PPIL6: variants seen among roughly 807,000 people sequenced by gnomAD.
PPIL6 encodes the protein probable inactive peptidyl-prolyl cis-trans isomerase-like 6.
PPIL6 carries 39 observed loss-of-function variants against 36.8 expected under a neutral mutation model. That is an observed-to-expected ratio of 1.06 (90% CI 0.82 to 1.38). The LOEUF (loss-of-function observed/expected upper bound fraction) is 1.38, where lower values mean the gene tolerates loss of function less well. Among genes scored for constraint, PPIL6 ranks in the 40% most tolerant of loss-of-function variants. The pLI is 0.00. For synonymous variants in PPIL6, 123 were observed against 134.1 expected (o/e 0.92, Z 0.57); for missense variants, 368 against 379.1 (o/e 0.97, Z 0.24).
At chr6:109,393,218 G>A (rs1057511012) in intron 7 of PPIL6, among the ~76,000 whole-genome samples, 1 of 128,770 alleles carries the variant, frequency 7.8e-6, no homozygotes, top group East Asian at 2.2e-4. Context: ...TGCAGTCAGG[G>A]TGATTTTTTT....
At chr6:109,401,104 C>T (rs1375592099) in intron 6 of PPIL6, among the ~76,000 whole-genome samples, 3 of 149,340 alleles carry the variant, frequency 2.0e-5, no homozygotes, top group African/African-American at 5.0e-5. Context: ...TCTCAATCTC[C>T]TGACCTCATG....
rs1433171241 is a variant in PPIL6 at position 109,393,038 on chromosome 6, T to C, written c.825-101A>G. ...CCTACCCAGCTATAGCTAAGACTAT[T>C]TCCTACAAATTGAATGAACATCAGC... On this transcript the variant is annotated intron_variant, in intron 7 of 7. Coordinates refer to ENST00000521072, the MANE Select transcript of PPIL6 (RefSeq NM_173672.5). The C allele has an allele frequency of 7.5e-6, 5 of 670,968 alleles. No individual in the cohort carries two copies. In the East Asian group the frequency reaches 1.0e-4, roughly 14 times the overall value. 41.6% of individuals were successfully genotyped at this position (670,968 alleles called of 1,614,324 possible).
chr6:109,433,009 G>C (rs1387223355), intron 2 of PPIL6, among the ~76,000 whole-genome samples: 1 of 151,932 alleles, frequency 6.6e-6, no homozygotes, highest in Non-Finnish European at 1.5e-5. Context: ...ATACTTCCTG[G>C]AGTGTTTAAA....
At chr6:109,404,822 G>A (rs574502173) in intron 6 of PPIL6, 71 of 157,854 alleles carry the variant, frequency 4.5e-4, no homozygotes, top group African/African-American at 1.7e-3. Context: ...GGGAGGCCGA[G>A]GTGGGCAGAT....
At chr6:109,421,500 T>A (rs1773535998) in intron 5 of PPIL6, among the ~76,000 whole-genome samples, 1 of 152,232 alleles carries the variant, frequency 6.6e-6, no homozygotes, top group South Asian at 2.1e-4. Flanking sequence ...AGGCAGTGTT[T>A]GGCAGAGTGT....
chr6:109,431,293 T>C lies in PPIL6; in HGVS notation c.284A>G (p.Asn95Ser). The change falls in exon 3 of 8, where the codon AAT (asparagine) becomes AGT (serine). Residue 95 changes from asparagine (N) to serine (S), a missense_variant. Asn to Ser is a conservative substitution (Grantham distance 46). Coordinates refer to ENST00000521072, the MANE Select transcript of PPIL6 (RefSeq NM_173672.5). The stretch of plus-strand genomic sequence containing the variant: ...CAATGCATCACCCAGAAACTGACCA[T>C]TAACAAAAGAAATCACAGAGGAAGA... ...EYSSSVISFV[N>S]GQFLGDALDL... is the part of the protein sequence containing the mutation. 1.2e-6 allele frequency: 2 copies of C among 1,607,058 alleles called. No homozygotes were observed. Among genetic ancestry groups the C allele is most frequent in the Non-Finnish European group, 1.7e-6 (2 of 1,177,510 alleles).
At chr6:109,438,056 G>GT (rs908893205) in intron 1 of PPIL6, among the ~76,000 whole-genome samples, 1 of 151,908 alleles carries the variant, frequency 6.6e-6, no homozygotes, top group South Asian at 2.1e-4. Flanking sequence ...TTTACATTTT[G>GT]TTTTTTATTT....
At chr6:109,397,460 C>A (rs1489349842) in intron 7 of PPIL6, among the ~76,000 whole-genome samples, 1 of 152,206 alleles carries the variant, frequency 6.6e-6, no homozygotes. Context: ...GTCTCACTGT[C>A]ACATAGCTAT....
Position 109,391,034 on chromosome 6 carries a change from ATCTCAGCACTTT to A in PPIL6, c.*1780_*1791del, listed in dbSNP as rs1772077634. ...GGGTGCGGTGGCTCACGCCTTTGTAATCTCAGCACTTTGGGAGGCCGAGGCGGGCGGATCACG... is the reference window on the plus strand; with the variant it reads ...GGGTGCGGTGGCTCACGCCTTTGTAAGGGAGGCCGAGGCGGGCGGATCACG... On this transcript the variant is annotated 3_prime_UTR_variant, in exon 8 of 8. Coordinates refer to ENST00000521072, the MANE Select transcript of PPIL6 (RefSeq NM_173672.5). 1 of 152,180 alleles carries A rather than the reference ATCTCAGCACTTT, an allele frequency of 6.6e-6. No homozygotes were observed. Among genetic ancestry groups the A allele is most frequent in the African/African-American group, 2.4e-5 (1 of 41,416 alleles). 9.4% of individuals were successfully genotyped at this position (152,180 alleles called of 1,614,324 possible).
At chr6:109,421,206 A>G (rs1474442436) in intron 5 of PPIL6, among the ~76,000 whole-genome samples, 1 of 152,118 alleles carries the variant, frequency 6.6e-6, no homozygotes, top group Non-Finnish European at 1.5e-5. Flanking sequence ...AATATTTTAT[A>G]TTGACACCAT....
At chr6:109,427,280 GATA>G (rs1168611822) in intron 3 of PPIL6, 124 bp from the exon 4 acceptor site, 1 of 589,944 alleles carries the variant, frequency 1.7e-6, no homozygotes, top group African/African-American at 1.9e-5. Context: ...ATTACCAATG[GATA>G]ATATTACAGT....
chr6:109,402,362 C>T (rs1001299483), intron 6 of PPIL6, among the ~76,000 whole-genome samples: 1 of 152,012 alleles, frequency 6.6e-6, no homozygotes, highest in Non-Finnish European at 1.5e-5. Flanking sequence ...ATGGCAAAAC[C>T]CCGTCTCCAC....
intron 6 of PPIL6, 79 bp downstream of exon 6, chr6:109,419,108 T>C (rs930348744): frequency 7.9e-6 from 7 of 884,830 alleles, no homozygotes; most frequent in African/African-American, 6.7e-5. Context: ...ATATCTTATT[T>C]GGAATTGTGA....
chr6:109,407,334 G>C (rs1772842747), intron 6 of PPIL6, among the ~76,000 whole-genome samples: 1 of 151,986 alleles, frequency 6.6e-6, no homozygotes, highest in South Asian at 2.1e-4. Flanking sequence ...CTGCCTCCCG[G>C]GTTCACGCCA....
In PPIL6 at chr6:109,440,539, ACGGCGAGCCGCACCTAGCGTG is replaced by A; in HGVS notation, c.31_51del (p.His11_Pro17del). On this transcript the variant is annotated inframe_deletion, in exon 1 of 8. Coordinates refer to ENST00000521072, the MANE Select transcript of PPIL6 (RefSeq NM_173672.5). ...ACCTGCAGCGGCCGCTCCGGCAGCGACGGCGAGCCGCACCTAGCGTGCGGGGGCCCGCACGGCTGCGGCCTT... is the reference window on the plus strand; with the variant it reads ...ACCTGCAGCGGCCGCTCCGGCAGCGACGGGGGCCCGCACGGCTGCGGCCTT... 1 of 1,486,494 alleles carries A rather than the reference ACGGCGAGCCGCACCTAGCGTG, an allele frequency of 6.7e-7. No individual in the cohort carries two copies. The highest frequency in any genetic ancestry group is 2.7e-5 in the East Asian group (1 of 36,446). 92.1% of individuals were successfully genotyped at this position (1,486,494 alleles called of 1,614,324 possible).
chr6:109,402,235 T>C (rs375699140), intron 6 of PPIL6, among the ~76,000 whole-genome samples: 47 of 152,234 alleles, frequency 3.1e-4, no homozygotes, highest in African/African-American at 1.0e-3. Flanking sequence ...TATAAAACAG[T>C]GCAAAAAGTG....
At chr6:109,415,456 C>T (rs1276696446) in intron 6 of PPIL6, among the ~76,000 whole-genome samples, 1 of 152,148 alleles carries the variant, frequency 6.6e-6, no homozygotes, top group African/African-American at 2.4e-5. Flanking sequence ...TCTTTGAATG[C>T]CTCTGCTGTG....
At chr6:109,439,387 G>A (rs1774657719) in intron 1 of PPIL6, among the ~76,000 whole-genome samples, 1 of 152,194 alleles carries the variant, frequency 6.6e-6, no homozygotes, top group Admixed American at 6.5e-5. Context: ...GACGGGGTCT[G>A]GCTCTGTCGC....
intron 7 of PPIL6, among the ~76,000 whole-genome samples, chr6:109,393,354 C>T (rs1280238948): frequency 1.3e-5 from 2 of 152,036 alleles, no homozygotes; most frequent in African/African-American, 4.8e-5. Context: ...GTAGCCAGTG[C>T]TTACCAGGTG....
Sources: allele counts gnomAD v4.1 joint callset (sites outside exome capture counted in the v4.1 genomes callset), GRCh38; gene constraint gnomAD v4.1.1; transcripts MANE v1.5; gene names NCBI Gene and HGNC (gene_info 2026-07-23, HGNC 2026-07-21).